Variants in RYK observed in about 807,000 individuals in gnomAD.
The protein encoded by RYK is receptor like tyrosine kinase.
In RYK, 21 loss-of-function variants were observed where a neutral mutation model predicts 70.2. The ratio of observed to expected loss-of-function variants is 0.30; its 90% CI spans 0.21 to 0.43. The LOEUF (loss-of-function observed/expected upper bound fraction) is 0.43, where lower values mean the gene tolerates loss of function less well. RYK is among the 20% of genes least tolerant of loss of function. The pLI is 1.00. For missense variants in RYK, 604 were observed against 753.3 expected (o/e 0.80, Z 2.32); for synonymous variants, 267 against 278.0 (o/e 0.96, Z 0.39).
intron 13 of RYK, among the ~76,000 whole-genome samples, 161 bp from the exon 14 acceptor site, chr3:134,159,534 C>CCTTG (rs1188447972): frequency 6.6e-6 from 1 of 152,132 alleles, no homozygotes; most frequent in Non-Finnish European, 1.5e-5. Context: ...AGTTAGTTTC[C>CCTTG]CTTGCTAAGA....
chr3:134,207,363 CATT>C, intron 5 of RYK, 106 bp downstream of exon 5: 1 of 569,160 alleles, frequency 1.8e-6, no homozygotes, highest in Non-Finnish European at 3.0e-6. Flanking sequence ...AGCATGGTGT[CATT>C]ATCATTTGAT....
chr3:134,235,629 T>C (rs1232090951), intron 1 of RYK, among the ~76,000 whole-genome samples: 2 of 152,064 alleles, frequency 1.3e-5, no homozygotes, highest in African/African-American at 4.8e-5. Context: ...AGACAGGGGC[T>C]AGATAACCTA....
At chr3:134,223,294 C>T (rs916443581) in intron 1 of RYK, among the ~76,000 whole-genome samples, 1 of 152,178 alleles carries the variant, frequency 6.6e-6, no homozygotes, top group Non-Finnish European at 1.5e-5. Flanking sequence ...TCAGCCAGGG[C>T]ACATACAATC....
chr3:134,183,279 CAATT>C (rs1264195331), intron 9 of RYK: 15 of 345,162 alleles, frequency 4.3e-5, no homozygotes, highest in Non-Finnish European at 7.3e-5. Flanking sequence ...ATATTAAAAT[CAATT>C]AAGTTTCCAT....
In RYK at chr3:134,211,604, C is replaced by T. The variant is rs1329760899; in HGVS notation, c.358G>A (p.Glu120Lys). The T allele has an allele frequency of 1.2e-6, 2 of 1,610,544 alleles. No individual in the cohort carries two copies. Among genetic ancestry groups the T allele is most frequent in the Non-Finnish European group, 1.7e-6 (2 of 1,177,156 alleles). ...HFTWHAKSKV[E>K]YKLGFQVDNV... is the part of the protein sequence containing the mutation. ...TCCACTTGGAATCCCAGCTTATATT[C>T]AACCTGTAAAATAGACAAAAATAAA... The change falls in exon 3 of 15, where the codon GAA becomes AAA. Residue 120 changes from glutamate (E) to lysine (K), a missense_variant. Transcript: ENST00000623711.
intron 4 of RYK, 85 bp from the exon 5 acceptor site, chr3:134,207,610 G>GAGTTCCAGCAAT: frequency 2.3e-6 from 2 of 862,664 alleles, no homozygotes; most frequent in Non-Finnish European, 3.6e-6. Context: ...GAACATTGCT[G>GAGTTCCAGCAAT]GAACTCAGCA....
intron 1 of RYK, among the ~76,000 whole-genome samples, chr3:134,231,586 C>T (rs2015059592): frequency 1.3e-5 from 2 of 152,140 alleles, no homozygotes; most frequent in Admixed American, 1.3e-4. Context: ...GCCGTCCACC[C>T]CTTATCCCCC....
intron 1 of RYK, among the ~76,000 whole-genome samples, chr3:134,239,107 GC>G (rs1245467480): frequency 1.3e-5 from 2 of 152,062 alleles, no homozygotes; most frequent in Non-Finnish European, 2.9e-5. Context: ...GACATGGGAG[GC>G]GCCTTACCCA....
rs552814327 is a variant in RYK, at chr3:134,223,853, T to G, written c.233-1314A>C. On this transcript the variant is annotated intron_variant, in intron 1 of 14. Transcript: ENST00000623711. ...CACTATGGGGTCTGAAACCTCACAG[T>G]ATGCAGAGAGGTCAAGATGGAGATC... is the stretch of plus-strand genomic sequence containing the variant. Among the ~76,000 whole-genome samples the G allele has an allele frequency of 3.3e-5, 5 of 152,290 alleles. No homozygotes were observed. In the East Asian group the frequency reaches 9.6e-4, roughly 29 times the overall value.
intron 10 of RYK, chr3:134,178,797 C>T (rs967283917): frequency 6.6e-6 from 1 of 152,190 alleles, no homozygotes; most frequent in Admixed American, 6.5e-5. Context: ...AATAACACCT[C>T]CTCCACTGAC....
chr3:134,199,909 G>C (rs1178319862), intron 6 of RYK, among the ~76,000 whole-genome samples: 1 of 107,450 alleles, frequency 9.3e-6, no homozygotes, highest in African/African-American at 3.2e-5. Context: ...TCAGTGGTCT[G>C]TGTCTAGCTA....
At chr3:134,231,255 A>G (rs1274730356) in intron 1 of RYK, among the ~76,000 whole-genome samples, 2 of 151,600 alleles carry the variant, frequency 1.3e-5, no homozygotes. Context: ...CAGTCATTTG[A>G]TAATTCGTGG....
intron 6 of RYK, among the ~76,000 whole-genome samples, chr3:134,197,302 C>G (rs187866364): frequency 6.6e-6 from 1 of 152,160 alleles, no homozygotes; most frequent in East Asian, 1.9e-4. Flanking sequence ...GAGCATAAAC[C>G]GTGAAGTCAG....
intron 6 of RYK, among the ~76,000 whole-genome samples, chr3:134,199,231 A>T (rs919254400): frequency 6.6e-6 from 1 of 152,218 alleles, no homozygotes; most frequent in Non-Finnish European, 1.5e-5. Flanking sequence ...CTCTAATGAG[A>T]TCTGTTTATA....
At chr3:134,226,668 TAAC>T in intron 1 of RYK, among the ~76,000 whole-genome samples, 1 of 152,228 alleles carries the variant, frequency 6.6e-6, no homozygotes, top group South Asian at 2.1e-4. Context: ...TATGAAAGGT[TAAC>T]CTTTTAAAAA....
chr3:134,243,900 G>A (rs2015387521), intron 1 of RYK, among the ~76,000 whole-genome samples: 1 of 152,106 alleles, frequency 6.6e-6, no homozygotes, highest in Non-Finnish European at 1.5e-5. Context: ...AAAATTCTGA[G>A]ATCTTCAGGG....
In RYK at chr3:134,246,780, A is replaced by G. The variant is rs1180599542; in HGVS notation, c.232+3643T>C. On this transcript the variant is annotated intron_variant, in intron 1 of 14. Transcript: ENST00000623711. ...CTAAGAAGCTACTGAGGATACATAC[A>G]TAGTAGCAAAATGAAGCAAACCAAG... Among the ~76,000 whole-genome samples, 4 of 152,218 alleles carry G rather than the reference A, an allele frequency of 2.6e-5. No homozygotes were observed. The East Asian group carries it at 5.8e-4, about 22-fold the overall frequency.
Position 134,250,726 on chromosome 3 carries a change from C to T in RYK, c.-72G>A, listed in dbSNP as rs1303595276. Reference sequence around the variant, plus strand: ...CCGCCGCCCACCCCCGGCCCCGAGCCGCTCACAGCCCCGAGCCGGGGGCGG... The same window carrying T: ...CCGCCGCCCACCCCCGGCCCCGAGCTGCTCACAGCCCCGAGCCGGGGGCGG... On this transcript the variant is annotated 5_prime_UTR_variant, in exon 1 of 15. Coordinates refer to ENST00000623711, the MANE Select transcript of RYK (RefSeq NM_002958.4). 1.3e-6 allele frequency: 1 copy of T among 768,798 alleles called. No individual in the cohort carries two copies. The highest frequency in any genetic ancestry group is 1.9e-5 in the African/African-American group (1 of 52,616). 47.6% of individuals were successfully genotyped at this position (768,798 alleles called of 1,614,324 possible).
rs571835641 is a variant in RYK at position 134,211,339 on chromosome 3, T to C, written c.454+169A>G. Among the ~76,000 whole-genome samples, 31 of 152,234 alleles carry C rather than the reference T, an allele frequency of 2.0e-4. No individual in the cohort carries two copies. The South Asian group carries it at 6.2e-3, about 31-fold the overall frequency. ...TTCCAGAAGGACAGAAAAGAGAGAA[T>C]GGTTTAAGAACACAGTGCAAATATT... On this transcript the variant is annotated intron_variant, in intron 3 of 14. Transcript: ENST00000623711.
Sources: allele counts gnomAD v4.1 joint callset (sites outside exome capture counted in the v4.1 genomes callset), GRCh38; gene constraint gnomAD v4.1.1; transcripts MANE v1.5; gene names NCBI Gene and HGNC (gene_info 2026-07-23, HGNC 2026-07-21).